The following PTPRD variants were observed in gnomAD, a reference collection of about 807,000 sequenced individuals.
PTPRD encodes the protein receptor-type tyrosine-protein phosphatase delta.
In PTPRD, 34 loss-of-function variants were observed where a neutral mutation model predicts 214.5. That is an observed-to-expected ratio of 0.16 (90% confidence interval 0.12 to 0.21). PTPRD has a LOEUF of 0.21. Among genes scored for constraint, PTPRD ranks in the 10% least tolerant of loss-of-function variants. PTPRD has a pLI of 1.00. For missense variants in PTPRD, 2,545 were observed against 2,398.7 expected, an observed-to-expected ratio of 1.06 and a Z score of -1.27; for synonymous variants, 1,128 against 845.7, an observed-to-expected ratio of 1.33 and a Z score of -5.79.
intron 5 of PTPRD, among the ~76,000 whole-genome samples, chr9:9,865,686 A>G (rs1054191818): frequency 1.3e-5 from 2 of 152,216 alleles, no homozygotes; most frequent in Non-Finnish European, 2.9e-5. Context: ...TACCATCAAG[A>G]TCATCAGTTG....
At chr9:8,518,778 C>T (rs1224334644) in intron 20 of PTPRD, among the ~76,000 whole-genome samples, 7 of 152,128 alleles carry the variant, frequency 4.6e-5, no homozygotes, top group Non-Finnish European at 8.8e-5. Context: ...TATTATACAG[C>T]TGTATGTAAC....
At chr9:10,479,008 A>G (rs1269971009) in intron 2 of PTPRD, among the ~76,000 whole-genome samples, 3 of 152,172 alleles carry the variant, frequency 2.0e-5, no homozygotes, top group African/African-American at 4.8e-5. Flanking sequence ...CCCTTCAAAA[A>G]CGATGAAAAC....
At chr9:10,384,529 A>G (rs2097879349) in intron 2 of PTPRD, among the ~76,000 whole-genome samples, 1 of 151,788 alleles carries the variant, frequency 6.6e-6, no homozygotes, top group Non-Finnish European at 1.5e-5. Context: ...AATACCAAGA[A>G]CTTTACATGT....
At chr9:10,257,613 T>C (rs2093379622) in intron 3 of PTPRD, among the ~76,000 whole-genome samples, 1 of 152,186 alleles carries the variant, frequency 6.6e-6, no homozygotes, top group Non-Finnish European at 1.5e-5. Context: ...CCATATACAT[T>C]TCATCCTTTG....
At chr9:8,622,205 G>T (rs951332859) in intron 14 of PTPRD, among the ~76,000 whole-genome samples, 1 of 151,836 alleles carries the variant, frequency 6.6e-6, no homozygotes, top group Non-Finnish European at 1.5e-5. Context: ...AATTACTTAA[G>T]TTTTTTTATT....
chr9:8,722,003 C>G (rs1360647370), intron 12 of PTPRD, among the ~76,000 whole-genome samples: 2 of 152,278 alleles, frequency 1.3e-5, no homozygotes, highest in Non-Finnish European at 2.9e-5. Flanking sequence ...GTTGAGAGAC[C>G]ACTGGGTTGT....
At chr9:10,004,370 A>G (rs1179283710) in intron 4 of PTPRD, among the ~76,000 whole-genome samples, 3 of 151,956 alleles carry the variant, frequency 2.0e-5, no homozygotes. Context: ...TTATTGAGGA[A>G]TTAAGCAAAT....
intron 7 of PTPRD, among the ~76,000 whole-genome samples, chr9:9,702,247 G>C (rs1241524151): frequency 6.6e-6 from 1 of 152,196 alleles, no homozygotes; most frequent in Non-Finnish European, 1.5e-5. Flanking sequence ...CACTTAGGGA[G>C]AGGGTGCATA....
intron 2 of PTPRD, among the ~76,000 whole-genome samples, chr9:10,580,815 T>A (rs895002998): frequency 6.6e-6 from 1 of 152,190 alleles, no homozygotes; most frequent in South Asian, 2.1e-4. Flanking sequence ...AAATAAATTT[T>A]TATTTCACCA....
At chr9:10,155,069 T>G (rs983713063) in intron 3 of PTPRD, among the ~76,000 whole-genome samples, 1 of 152,142 alleles carries the variant, frequency 6.6e-6, no homozygotes, top group Non-Finnish European at 1.5e-5. Context: ...TGATTTTTCC[T>G]ATCCATGAGC....
chr9:10,337,099 G>T (rs1245658149), intron 3 of PTPRD, among the ~76,000 whole-genome samples: 1 of 151,636 alleles, frequency 6.6e-6, no homozygotes, highest in African/African-American at 2.4e-5. Flanking sequence ...AAACAAAAAA[G>T]ACAACAAAAA....
intron 2 of PTPRD, among the ~76,000 whole-genome samples, chr9:10,416,185 T>C (rs1565895175): frequency 2.1e-5 from 3 of 142,978 alleles, no homozygotes; most frequent in Admixed American, 7.0e-5. Context: ...CCACCTCTAC[T>C]AAAAAAAAAA....
At chr9:8,770,938 G>C (rs2095157755) in intron 11 of PTPRD, among the ~76,000 whole-genome samples, 1 of 152,096 alleles carries the variant, frequency 6.6e-6, no homozygotes, top group Non-Finnish European at 1.5e-5. Context: ...CCTGCACTTT[G>C]GGAGGCAGAG....
intron 3 of PTPRD, among the ~76,000 whole-genome samples, chr9:10,173,769 T>C (rs1477379504): frequency 6.6e-6 from 1 of 151,798 alleles, no homozygotes; most frequent in Non-Finnish European, 1.5e-5. Flanking sequence ...CGCCTTTGTG[T>C]CTGATGCTCT....
intron 7 of PTPRD, among the ~76,000 whole-genome samples, chr9:9,677,068 T>G (rs1166024887): frequency 6.6e-6 from 1 of 152,104 alleles, no homozygotes; most frequent in Non-Finnish European, 1.5e-5. Flanking sequence ...TTTCTCCCAT[T>G]TTGTAGGTTG....
intron 3 of PTPRD, among the ~76,000 whole-genome samples, chr9:10,085,949 T>G (rs78878485): frequency 0.025 from 3,840 of 151,882 alleles, 71 homozygotes; most frequent in Middle Eastern, 0.082. Context: ...TGAGGCTAAA[T>G]AGATAAAAAC....
intron 10 of PTPRD, among the ~76,000 whole-genome samples, chr9:9,072,280 TACACACACACAC>T (rs201508445): frequency 3.2e-4 from 43 of 135,720 alleles, no homozygotes; most frequent in African/African-American, 9.3e-4. Flanking sequence ...GCTGGCAACT[TACACACACACAC>T]ACACACACAC....
intron 4 of PTPRD, among the ~76,000 whole-genome samples, chr9:10,031,176 C>T (rs1226082638): frequency 6.6e-6 from 1 of 152,064 alleles, no homozygotes; most frequent in Admixed American, 6.6e-5. Context: ...AGAAATTGAT[C>T]CCTAAAATAT....
intron 14 of PTPRD, among the ~76,000 whole-genome samples, chr9:8,614,892 G>C (rs934915354): frequency 6.6e-6 from 1 of 152,122 alleles, no homozygotes; most frequent in Non-Finnish European, 1.5e-5. Flanking sequence ...CACCAAGGAA[G>C]AGGGCTTCCT....
Sources: allele counts gnomAD v4.1 joint callset (sites outside exome capture counted in the v4.1 genomes callset), GRCh38; gene constraint gnomAD v4.1.1; transcripts MANE v1.5; gene names NCBI Gene and HGNC (gene_info 2026-07-23, HGNC 2026-07-21).